The following ADAM9 variants were observed in gnomAD, a reference collection of about 807,000 sequenced individuals.
The protein encoded by ADAM9 is ADAM metallopeptidase domain 9.
Under a neutral mutation model 108.1 loss-of-function variants are expected in ADAM9, and 54 were observed. The ratio of observed to expected loss-of-function variants is 0.50; its 90% CI spans 0.40 to 0.63. ADAM9 has a LOEUF of 0.63. ADAM9 is among the 20% of genes least tolerant of loss of function. ADAM9 has a pLI of 0.00. For missense variants in ADAM9, 830 were observed against 997.7 expected, an observed-to-expected ratio of 0.83 and a Z score of 2.26; for synonymous variants, 316 against 336.0, an observed-to-expected ratio of 0.94 and a Z score of 0.65.
intron 12 of ADAM9, among the ~76,000 whole-genome samples, chr8:39,045,542 ATATG>A (rs1470101956): frequency 1.6e-5 from 2 of 122,766 alleles, no homozygotes; most frequent in African/African-American, 6.3e-5. Context: ...ATGTGTGTAT[ATATG>A]TGTGTGTGTA....
At chr8:39,030,459 C>G (rs562417580) in intron 11 of ADAM9, among the ~76,000 whole-genome samples, 1 of 152,216 alleles carries the variant, frequency 6.6e-6, no homozygotes, top group African/African-American at 2.4e-5. Context: ...TGAATAATAA[C>G]CCATTGTTTG....
chr8:39,014,238 C>T, intron 4 of ADAM9, 195 bp downstream of exon 4: 1 of 588,596 alleles, frequency 1.7e-6, no homozygotes. Flanking sequence ...TCTCCAGGTA[C>T]TCAGTAGTTA....
chr8:39,005,110 A>G (rs1482730499), intron 1 of ADAM9, among the ~76,000 whole-genome samples: 6 of 152,116 alleles, frequency 3.9e-5, no homozygotes, highest in Admixed American at 3.9e-4. Context: ...ATCCTTTTAC[A>G]TGGGAACCTT....
At chr8:39,019,419 A>T (rs544205953) in intron 7 of ADAM9, among the ~76,000 whole-genome samples, 1 of 152,328 alleles carries the variant, frequency 6.6e-6, no homozygotes, top group East Asian at 1.9e-4. Flanking sequence ...TTCCTTATTT[A>T]TACTTAAGAA....
At chr8:39,071,210 T>G in intron 14 of ADAM9, 88 bp from the exon 15 acceptor site, 1 of 1,190,842 alleles carries the variant, frequency 8.4e-7, no homozygotes, top group South Asian at 1.3e-5. Flanking sequence ...TTCATCCAGG[T>G]GTTTAGACTG....
chr8:39,042,002 A>G lies in ADAM9; in HGVS notation c.1187A>G (p.Asn396Ser), dbSNP rs1837469313. 1.9e-6 allele frequency: 3 copies of G among 1,614,096 alleles called. No individual in the cohort carries two copies. Among genetic ancestry groups the G allele is most frequent in the Non-Finnish European group, 2.5e-6 (3 of 1,179,940 alleles). ...SAEDFEKLTL[N>S]KGGNCLLNIP... ...GAGGACTTTGAGAAGTTAACTTTAA[A>G]TAAAGGAGGAAACTGCCTTCTTAAT... is the stretch of plus-strand genomic sequence containing the variant. The change falls in exon 12 of 22, where the codon AAT (asparagine) becomes AGT (serine). Residue 396 changes from asparagine (N) to serine (S), a missense_variant. This residue lies in a region of ADAM9 where 381 missense variants were observed against 539.8 expected (regional missense o/e 0.71). Coordinates refer to ENST00000487273, the MANE Select transcript of ADAM9 (RefSeq NM_003816.3).
rs1200486039 is a variant in ADAM9, at chr8:39,016,988, A to G, written c.411-231A>G. On this transcript the variant is annotated intron_variant, in intron 5 of 21. Transcript: ENST00000487273. ...TAGTGCCTTCCATTTCCCGTAGATC[A>G]CTCAGGGAGGTTAAGTGACTTACAG... The G allele has an allele frequency of 5.7e-6, 3 of 530,942 alleles. No individual in the cohort carries two copies. The Admixed American group carries it at 9.6e-5, about 17-fold the overall frequency. The allele number at this position is 530,942 out of a possible 1,614,324, so 32.9% of individuals were successfully genotyped here. A position where few individuals can be genotyped will look rare whatever the true frequency, so the allele number is the denominator to read the frequency against.
chr8:39,005,364 A>G (rs1588321205), intron 1 of ADAM9, among the ~76,000 whole-genome samples: 1 of 152,210 alleles, frequency 6.6e-6, no homozygotes, highest in Non-Finnish European at 1.5e-5. Context: ...ATTTAAGAAA[A>G]CATTCAGTAA....
At position 39,091,303 on chromosome 8, in the gene ADAM9, G is replaced by A. The variant is rs148531337; in HGVS notation, c.2255G>A (p.Ser752Asn). ...NQANPSRQPG[S>N]VPRHVSPVTP... ...GCAAACCCTTCTAGACAGCCGGGGA[G>A]TGTTCCTCGACATGTTTCTCCAGTG... The change falls in exon 20 of 22, where the codon AGT becomes AAT. Residue 752 changes from serine to asparagine, a missense_variant. Physicochemically the swap from Ser to Asn is conservative, Grantham distance 46. This residue lies in a region of ADAM9 where 238 missense variants were observed against 235.7 expected (regional missense o/e 1.01). Coordinates refer to ENST00000487273, the MANE Select transcript of ADAM9 (RefSeq NM_003816.3). The A allele has an allele frequency of 1.2e-5, 20 of 1,614,134 alleles. No homozygotes were observed. The African/African-American group carries it at 2.5e-4, about 20-fold the overall frequency.
At chr8:39,057,784 C>T (rs1429518448) in intron 14 of ADAM9, among the ~76,000 whole-genome samples, 4 of 152,154 alleles carry the variant, frequency 2.6e-5, no homozygotes, top group Non-Finnish European at 5.9e-5. Context: ...TTTACTCATC[C>T]TACTGATTTC....
At chr8:39,046,233 T>C (rs976672751) in intron 12 of ADAM9, among the ~76,000 whole-genome samples, 10 of 152,246 alleles carry the variant, frequency 6.6e-5, no homozygotes, top group African/African-American at 2.4e-4. Flanking sequence ...AATGCTATTG[T>C]AAATAGCTTT....
intron 18 of ADAM9, among the ~76,000 whole-genome samples, chr8:39,086,308 C>G (rs1364023158): frequency 6.6e-6 from 1 of 152,176 alleles, no homozygotes; most frequent in East Asian, 1.9e-4. Flanking sequence ...AGCCAGCATG[C>G]CTGGCTGGCT....
In ADAM9 at chr8:39,082,995, T is replaced by G; in HGVS notation, c.1990T>G (p.Cys664Gly). The part of the protein sequence containing the change: ...GVCNSNKNCH[C>G]ENGWAPPNCE... ...ATGTAATAGCAATAAGAATTGTCAC[T>G]GTGAAAATGGCTGGGCTCCCCCAAA... Residue 664 changes from cysteine (C) to glycine (G), a missense_variant, in exon 18 of 22, where the codon TGT (cysteine) becomes GGT (glycine). By Grantham distance (159) the Cys-to-Gly change is radical (BLOSUM62 -3). This residue lies in a region of ADAM9 where 238 missense variants were observed against 235.7 expected (regional missense o/e 1.01). Transcript: ENST00000487273. 17 of 1,613,882 alleles carry G rather than the reference T, an allele frequency of 1.1e-5. No individual in the cohort carries two copies. Among genetic ancestry groups the G allele is most frequent in the Non-Finnish European group, 1.4e-5 (17 of 1,179,788 alleles).
chr8:39,097,249 G>T (rs1244834302), intron 20 of ADAM9, among the ~76,000 whole-genome samples: 1 of 151,708 alleles, frequency 6.6e-6, no homozygotes, highest in Non-Finnish European at 1.5e-5. Context: ...TAATTGTGGA[G>T]GTTTGCTAGT....
chr8:39,082,214 C>G (rs28505355), intron 16 of ADAM9, among the ~76,000 whole-genome samples: 13,269 of 151,882 alleles, frequency 0.087, 923 homozygotes, highest in African/African-American at 0.19. Flanking sequence ...AAATATTATC[C>G]TTTTGATATC....
At chr8:38,998,498 T>G (rs1464622150) in intron 1 of ADAM9, among the ~76,000 whole-genome samples, 1 of 152,228 alleles carries the variant, frequency 6.6e-6, no homozygotes, top group Non-Finnish European at 1.5e-5. Context: ...AATATCCTGA[T>G]GGTCTTTAAC....
chr8:39,043,500 T>A (rs536548788), intron 12 of ADAM9, among the ~76,000 whole-genome samples: 2 of 152,202 alleles, frequency 1.3e-5, no homozygotes, highest in East Asian at 1.9e-4. Context: ...TCATTGTGAT[T>A]TTGATTTGCA....
At chr8:39,040,426 A>T (rs991777624) in intron 11 of ADAM9, among the ~76,000 whole-genome samples, 2 of 152,200 alleles carry the variant, frequency 1.3e-5, no homozygotes, top group African/African-American at 2.4e-5. Flanking sequence ...CACTTCCTTG[A>T]TGATTAATGA....
chr8:39,058,546 A>G (rs1032147514), intron 14 of ADAM9, among the ~76,000 whole-genome samples: 1 of 152,166 alleles, frequency 6.6e-6, no homozygotes, highest in Admixed American at 6.5e-5. Flanking sequence ...GGCATTCTAG[A>G]CATACTCTTC....
Sources: allele counts gnomAD v4.1 joint callset (sites outside exome capture counted in the v4.1 genomes callset), GRCh38; gene constraint gnomAD v4.1.1; regional missense constraint gnomAD v4.1.1; transcripts MANE v1.5; gene names NCBI Gene and HGNC (gene_info 2026-07-23, HGNC 2026-07-21).